UTP11: variants seen among roughly 807,000 people sequenced by gnomAD.
UTP11 encodes UTP11 small subunit processome component.
Under a neutral mutation model 39.0 loss-of-function variants are expected in UTP11, and 29 were observed. The ratio of observed to expected loss-of-function variants is 0.74; its 90% CI spans 0.55 to 1.01. UTP11 has a LOEUF of 1.01. UTP11 is among the 50% of genes least tolerant of loss of function. The pLI is 0.00. For synonymous variants in UTP11, 111 were observed against 105.0 expected (o/e 1.06, Z -0.35); for missense variants, 281 against 306.0 (o/e 0.92, Z 0.61).
At chr1:38,021,391 C>A (rs1461603982) in intron 6 of UTP11, among the ~76,000 whole-genome samples, 2 of 152,246 alleles carry the variant, frequency 1.3e-5, no homozygotes, top group East Asian at 1.9e-4. Context: ...ATGTTTCTTT[C>A]TATTTTGTTT....
In UTP11 at chr1:38,019,041, C is replaced by T. The variant is rs748806764; in HGVS notation, c.343-18C>T. 2.5e-6 allele frequency: 4 copies of T among 1,586,748 alleles called. No homozygotes were observed. The South Asian group carries it at 3.4e-5, about 13-fold the overall frequency. On this transcript the variant is annotated intron_variant, in intron 4 of 7. Transcript: ENST00000373014. ...TAGAAGAATCTAATATAAAGTGAGA[C>T]CATATTCTGTGTTCTAGAAAATCGA...
At chr1:38,012,976 C>G in intron 1 of UTP11, 111 bp downstream of exon 1, 1 of 1,284,236 alleles carries the variant, frequency 7.8e-7, no homozygotes, top group South Asian at 1.3e-5. Context: ...TATATAAATG[C>G]ACGTAAATGT....
intron 1 of UTP11, among the ~76,000 whole-genome samples, chr1:38,013,093 A>G (rs917676516): frequency 6.6e-6 from 1 of 152,170 alleles, no homozygotes; most frequent in African/African-American, 2.4e-5. Context: ...TTCCTTGGGG[A>G]TATAAAACCT....
In UTP11 at chr1:38,012,782, C is replaced by A. The variant is rs779659828; in HGVS notation, c.-21C>A. On this transcript the variant is annotated 5_prime_UTR_variant, in exon 1 of 8. Coordinates refer to ENST00000373014, the MANE Select transcript of UTP11 (RefSeq NM_016037.4). The stretch of plus-strand genomic sequence containing the variant: ...TGCGGATCCGGCGTTCTCCACTGAT[C>A]TTTTCCAAGGCTGTACAGACATGGC... The A allele has an allele frequency of 3.7e-6, 6 of 1,614,078 alleles. No homozygotes were observed. The highest frequency in any genetic ancestry group is 1.7e-5 in the Admixed American group (1 of 60,014).
Position 38,012,745 on chromosome 1 carries a change from C to T in UTP11, c.-58C>T. ...TTCCGGTAGGAATCAGTGGACTTGG[C>T]GGCAGAGGCAGTGCGGATCCGGCGT... On this transcript the variant is annotated 5_prime_UTR_variant, in exon 1 of 8. Transcript: ENST00000373014. 3 of 1,607,618 alleles carry T rather than the reference C, an allele frequency of 1.9e-6. No individual in the cohort carries two copies. The highest frequency in any genetic ancestry group is 1.3e-5 in the African/African-American group (1 of 74,952).
chr1:38,019,255 G>T lies in UTP11; in HGVS notation c.439G>T (p.Glu147Ter). 6.2e-7 allele frequency: 1 copy of T among 1,614,048 alleles called. No individual in the cohort carries two copies. The highest frequency in any genetic ancestry group is 1.1e-5 in the South Asian group (1 of 91,060). Residue 147 changes from glutamate to a stop codon, truncating the protein, a stop_gained and splice_region_variant, in exon 6 of 8, where the codon GAA (glutamate) becomes TAA (stop). Coordinates refer to ENST00000373014, the MANE Select transcript of UTP11 (RefSeq NM_016037.4). LOFTEE classifies it high-confidence loss of function. ...VFFFDTKKEV[E>*]QFDVATHLQT... ...TTAAGGATTGTCTTGAATTTTAGTT[G>T]AACAGTTTGATGTCGCAACTCACCT...
chr1:38,017,011 G>A (rs1337063385), intron 2 of UTP11: 1 of 153,792 alleles, frequency 6.5e-6, no homozygotes, highest in Non-Finnish European at 1.4e-5. Flanking sequence ...GATTAAATGG[G>A]TTTCTGTAGG....
chr1:38,019,433 T>G lies in UTP11; in HGVS notation c.567+50T>G, dbSNP rs764726062. ...ATGTGAGCTTAGGGGAATCTAGGTG[T>G]TTTTTTTTTGTTTTTTTTTTTTTGC... On this transcript the variant is annotated intron_variant, in intron 6 of 7. Coordinates refer to ENST00000373014, the MANE Select transcript of UTP11 (RefSeq NM_016037.4). 30 of 1,276,248 alleles carry G rather than the reference T, an allele frequency of 2.4e-5. No homozygotes were observed. In the East Asian group the frequency reaches 3.1e-4, roughly 13 times the overall value. The allele number at this position is 1,276,248 out of a possible 1,614,324, so 79.1% of individuals were successfully genotyped here.
chr1:38,019,441 T>TG, intron 6 of UTP11, 58 bp downstream of exon 6: 20 of 1,372,614 alleles, frequency 1.5e-5, no homozygotes, highest in South Asian at 3.6e-5. Flanking sequence ...TGTTTTTTTT[T>TG]TGTTTTTTTT....
At chr1:38,018,935 A>T in intron 4 of UTP11, 124 bp from the exon 5 acceptor site, 1 of 860,280 alleles carries the variant, frequency 1.2e-6, no homozygotes, top group Non-Finnish European at 1.8e-6. Flanking sequence ...CTTTAAAAGA[A>T]TAAAGCAAGT....
intron 2 of UTP11, 176 bp downstream of exon 2, chr1:38,016,596 T>G: frequency 1.6e-6 from 1 of 627,730 alleles, no homozygotes; most frequent in South Asian, 1.8e-5. Context: ...TCTCTTTGTT[T>G]AGGCAGATCA....
At chr1:38,015,538 T>G (rs1646703212) in intron 1 of UTP11, among the ~76,000 whole-genome samples, 1 of 152,198 alleles carries the variant, frequency 6.6e-6, no homozygotes, top group South Asian at 2.1e-4. Flanking sequence ...TGTTTCACCT[T>G]CTTTCCAAGA....
intron 2 of UTP11, 44 bp from the exon 3 acceptor site, chr1:38,017,624 A>ATTTTT: frequency 1.5e-5 from 16 of 1,079,170 alleles, no homozygotes; most frequent in Admixed American, 7.0e-5. Flanking sequence ...AAAATTATCT[A>ATTTTT]TTTTTTTTTT....
At chr1:38,017,483 G>A (rs994777891) in intron 2 of UTP11, 185 bp from the exon 3 acceptor site, 54 of 451,416 alleles carry the variant, frequency 1.2e-4, no homozygotes, top group Non-Finnish European at 1.9e-4. Flanking sequence ...TGGACCCTGC[G>A]AAGACATGAG....
chr1:38,016,695 C>G, intron 2 of UTP11: 7 of 378,762 alleles, frequency 1.8e-5, no homozygotes, highest in South Asian at 1.7e-4. Context: ...TTGGCTCTGC[C>G]TTGGTGTTTG....
At chr1:38,016,269 G>C (rs755048838) in intron 1 of UTP11, 90 bp from the exon 2 acceptor site, 3 of 1,339,670 alleles carry the variant, frequency 2.2e-6, no homozygotes, top group Non-Finnish European at 3.2e-6. Flanking sequence ...GAGCACTCCA[G>C]AGACTCCTGT....
intron 1 of UTP11, 39 bp downstream of exon 1, chr1:38,012,904 G>A: frequency 6.2e-7 from 1 of 1,613,562 alleles, no homozygotes; most frequent in South Asian, 1.1e-5. Flanking sequence ...GGCCTTTGTC[G>A]CCATGTGTTA....
At position 38,023,641 on chromosome 1, in the gene UTP11, A is replaced by G. The variant is rs775191631; in HGVS notation, c.*13A>G. The G allele has an allele frequency of 1.9e-6, 3 of 1,594,950 alleles. No homozygotes were observed. The highest frequency in any genetic ancestry group is 3.3e-4 in the Middle Eastern group (2 of 6,036). ...TCGAAAACGTTGACGTGTTATAGAT[A>G]AGCCTTGTCATTCTGTATCAAAAAT... On this transcript the variant is annotated 3_prime_UTR_variant, in exon 8 of 8. Coordinates refer to ENST00000373014, the MANE Select transcript of UTP11 (RefSeq NM_016037.4).
intron 6 of UTP11, 51 bp downstream of exon 6, chr1:38,019,434 T>G (rs1646724801): frequency 7.3e-7 from 1 of 1,368,132 alleles, no homozygotes; most frequent in East Asian, 2.6e-5. Context: ...ATCTAGGTGT[T>G]TTTTTTTTGT....
Sources: gnomAD v4.1 joint callset for allele counts (sites outside exome capture counted in the v4.1 genomes callset) on GRCh38, gnomAD v4.1.1 for gene constraint, MANE v1.5 for transcripts, NCBI Gene and HGNC (gene_info 2026-07-23, HGNC 2026-07-21) for gene names.